CDK15: variants seen among roughly 807,000 people sequenced by gnomAD.
The protein encoded by CDK15 is cyclin-dependent kinase 15.
A neutral mutation model predicts 60.3 loss-of-function variants in CDK15; 62 were observed. That is an observed-to-expected ratio of 1.03 (90% CI 0.84 to 1.27). The LOEUF is 1.27. Among genes scored for constraint, CDK15 ranks in the 50% most tolerant of loss-of-function variants. The pLI is 0.00. For missense variants in CDK15, 541 were observed against 527.8 expected, an observed-to-expected ratio of 1.03 and a Z score of -0.25; for synonymous variants, 194 against 195.7, an observed-to-expected ratio of 0.99 and a Z score of 0.07.
chr2:201,848,413 A>G (rs1332969636), intron 9 of CDK15, among the ~76,000 whole-genome samples: 1 of 152,086 alleles, frequency 6.6e-6, no homozygotes, highest in Admixed American at 6.6e-5. Flanking sequence ...TTACCGTCTT[A>G]ACCCTCCTTA....
intron 10 of CDK15, among the ~76,000 whole-genome samples, chr2:201,858,517 G>A (rs1228330948): frequency 6.6e-6 from 1 of 151,774 alleles, no homozygotes; most frequent in African/African-American, 2.4e-5. Context: ...CACTTCAAAG[G>A]GCCAGTTGTC....
At chr2:201,863,388 TA>T (rs974192060) in intron 10 of CDK15, among the ~76,000 whole-genome samples, 1 of 149,780 alleles carries the variant, frequency 6.7e-6, no homozygotes, top group Non-Finnish European at 1.5e-5. Context: ...ATTTATTAAT[TA>T]AAAAATAATA....
chr2:201,842,466 G>C (rs549446706), intron 8 of CDK15, among the ~76,000 whole-genome samples: 1 of 152,172 alleles, frequency 6.6e-6, no homozygotes, highest in African/African-American at 2.4e-5. Flanking sequence ...ATATAAAAAG[G>C]GTGGTCTAGA....
rs867011605 is a variant in CDK15, at chr2:201,870,989, G to T, written c.1010-1289G>T. Among the ~76,000 whole-genome samples, 11 of 152,006 alleles carry T rather than the reference G, an allele frequency of 7.2e-5. No homozygotes were observed. In the South Asian group the frequency reaches 2.3e-3, roughly 32 times the overall value. On this transcript the variant is annotated intron_variant, in intron 10 of 13. Transcript: ENST00000652192. ...AGGATGGTTTTTGTTTGGGTTAAAT[G>T]GTATCAATACTAAGAATCATGAAAA...
chr2:201,833,022 T>C (rs576895225), intron 6 of CDK15, among the ~76,000 whole-genome samples: 23 of 143,758 alleles, frequency 1.6e-4, no homozygotes, highest in Admixed American at 1.5e-3. Flanking sequence ...ATTCTTTTTT[T>C]CCCGTAAGTT....
intron 11 of CDK15, among the ~76,000 whole-genome samples, chr2:201,872,736 C>G (rs1001894609): frequency 7.9e-5 from 12 of 152,090 alleles, no homozygotes; most frequent in African/African-American, 2.9e-4. Context: ...TCGGCTCAGA[C>G]CAGGGCAGAC....
chr2:201,827,240 G>A (rs1243882210), intron 6 of CDK15, among the ~76,000 whole-genome samples: 1 of 152,164 alleles, frequency 6.6e-6, no homozygotes, highest in Non-Finnish European at 1.5e-5. Flanking sequence ...GAACCCAAGA[G>A]TTCAAGACTA....
intron 8 of CDK15, among the ~76,000 whole-genome samples, chr2:201,836,144 T>A (rs1440142802): frequency 4.3e-5 from 3 of 69,448 alleles, no homozygotes; most frequent in Admixed American, 2.6e-4. Flanking sequence ...ATTTATATAT[T>A]ATATATATTT....
rs780293255 is a variant in CDK15, at chr2:201,823,622, C to G, written c.544-43C>G. The G allele has an allele frequency of 3.3e-6, 5 of 1,535,376 alleles. No homozygotes were observed. The East Asian group carries it at 9.0e-5, about 28-fold the overall frequency. On this transcript the variant is annotated intron_variant, in intron 5 of 13. Coordinates refer to ENST00000652192, the MANE Select transcript of CDK15 (RefSeq NM_001366386.2). ...TCTGCTTTAGGATGCTATCTAAGCA[C>G]CACTAAATTCACTCACTTCTCTTTC...
At chr2:201,810,856 T>C (rs1373543867) in intron 3 of CDK15, among the ~76,000 whole-genome samples, 4 of 138,654 alleles carry the variant, frequency 2.9e-5, no homozygotes, top group Non-Finnish European at 6.3e-5. Flanking sequence ...TTTTTTTTTT[T>C]TTTTCTCAGA....
chr2:201,814,088 C>A (rs1695889026), intron 4 of CDK15, among the ~76,000 whole-genome samples: 1 of 152,166 alleles, frequency 6.6e-6, no homozygotes, highest in African/African-American at 2.4e-5. Context: ...CTTGAGTTTG[C>A]CAATTGCTTA....
chr2:201,874,362 T>C (rs1698993683), intron 11 of CDK15, among the ~76,000 whole-genome samples: 1 of 152,218 alleles, frequency 6.6e-6, no homozygotes, highest in Non-Finnish European at 1.5e-5. Context: ...GGAAGGGCTC[T>C]GTGAAAGGGT....
At chr2:201,885,814 T>G (rs1237457155) in intron 12 of CDK15, among the ~76,000 whole-genome samples, 2 of 152,250 alleles carry the variant, frequency 1.3e-5, no homozygotes, top group African/African-American at 4.8e-5. Flanking sequence ...TAATCGTACC[T>G]GCCTTTTATT....
intron 12 of CDK15, chr2:201,889,223 G>C: frequency 1.0e-6 from 1 of 985,418 alleles, no homozygotes; most frequent in Non-Finnish European, 1.2e-6. Context: ...AGTAATAACA[G>C]AAGGCTCTCT....
intron 10 of CDK15, among the ~76,000 whole-genome samples, chr2:201,868,738 CAAAAG>C (rs1442819813): frequency 6.7e-6 from 1 of 150,052 alleles, no homozygotes; most frequent in Admixed American, 6.6e-5. Flanking sequence ...AGACACTTCT[CAAAAG>C]AAGACATTTA....
rs1437008576 is a variant in CDK15 at position 201,833,774 on chromosome 2, CTG to C, written c.607-72_607-71del. The C allele has an allele frequency of 3.0e-5, 38 of 1,253,004 alleles. No homozygotes were observed. The African/African-American group carries it at 4.7e-4, about 16-fold the overall frequency. 77.6% of individuals were successfully genotyped at this position (1,253,004 alleles called of 1,614,324 possible). ...ACTTTTACTATATTCTTTGAGATGA[CTG>C]TTTTTGATTTAGAGGCGAAATCAGC... On this transcript the variant is annotated intron_variant, in intron 6 of 13. Coordinates refer to ENST00000652192, the MANE Select transcript of CDK15 (RefSeq NM_001366386.2).
In CDK15 at chr2:201,894,114, CCCCT is replaced by C. The variant is rs1699714466; in HGVS notation, c.*849_*852del. The C allele has an allele frequency of 2.7e-5, 4 of 146,820 alleles. No individual in the cohort carries two copies. The highest frequency in any genetic ancestry group is 2.2e-4 in the South Asian group (1 of 4,488). The allele number at this position is 146,820 out of a possible 1,614,324, so 9.1% of individuals were successfully genotyped here. On this transcript the variant is annotated 3_prime_UTR_variant, in exon 14 of 14. Transcript: ENST00000652192. ...ACACACACACACACACACACACACA[CCCCT>C]CAAGTAAAATGAGAGATCTGTCTTA...
intron 12 of CDK15, among the ~76,000 whole-genome samples, chr2:201,886,555 C>T (rs967237157): frequency 1.3e-5 from 2 of 152,298 alleles, no homozygotes; most frequent in Admixed American, 1.3e-4. Flanking sequence ...AAACTCCTGA[C>T]CTCAGGTGAT....
chr2:201,868,795 T>C (rs1234616429), intron 10 of CDK15, among the ~76,000 whole-genome samples: 1 of 151,882 alleles, frequency 6.6e-6, no homozygotes. Flanking sequence ...TCATCACTGG[T>C]CATCAGAGAA....
Sources: allele counts gnomAD v4.1 joint callset (sites outside exome capture counted in the v4.1 genomes callset), GRCh38; gene constraint gnomAD v4.1.1; transcripts MANE v1.5; gene names NCBI Gene and HGNC (gene_info 2026-07-23, HGNC 2026-07-21).